Variants in PPM1E observed in about 807,000 individuals in gnomAD.
The protein encoded by PPM1E is protein phosphatase 1E.
A neutral mutation model predicts 65.9 loss-of-function variants in PPM1E; 20 were observed. The ratio of observed to expected loss-of-function variants is 0.30; its 90% CI spans 0.21 to 0.44. The LOEUF is 0.44. Among genes scored for constraint, PPM1E ranks in the 20% least tolerant of loss-of-function variants. The pLI is 1.00. For missense variants in PPM1E, 713 were observed against 953.1 expected (o/e 0.75, Z 3.32); for synonymous variants, 352 against 374.9 (o/e 0.94, Z 0.70).
At chr17:58,809,709 T>C (rs151175833) in intron 1 of PPM1E, among the ~76,000 whole-genome samples, 3 of 152,246 alleles carry the variant, frequency 2.0e-5, no homozygotes, top group East Asian at 1.9e-4. Flanking sequence ...TTGCCACTTA[T>C]CTGTTGAAGA....
At chr17:58,941,491 G>A (rs907067826) in intron 1 of PPM1E, among the ~76,000 whole-genome samples, 4 of 150,682 alleles carry the variant, frequency 2.7e-5, no homozygotes, top group Admixed American at 6.6e-5. Context: ...TCAAGAGATC[G>A]AGACCATCCT....
chr17:58,955,602 T>A, intron 1 of PPM1E, 47 bp from the exon 2 acceptor site: 1 of 1,595,156 alleles, frequency 6.3e-7, no homozygotes, highest in Non-Finnish European at 8.6e-7. Flanking sequence ...AATGTATTAC[T>A]TTCTAATTCT....
rs1435935013 is a variant in PPM1E, at chr17:58,824,746, G to T, written c.464+68285G>T. On this transcript the variant is annotated intron_variant, in intron 1 of 6. Coordinates refer to ENST00000308249, the MANE Select transcript of PPM1E (RefSeq NM_014906.5). ...TGGGACTACAGGTGCCCGTCACCAC[G>T]CCTGGCTAATTTTTTGTATTTTTTG... Among the ~76,000 whole-genome samples the T allele has an allele frequency of 2.0e-5, 3 of 150,238 alleles. No individual in the cohort carries two copies. The East Asian group carries it at 5.8e-4, about 29-fold the overall frequency.
intron 1 of PPM1E, among the ~76,000 whole-genome samples, chr17:58,896,906 G>A (rs534452425): frequency 3.0e-4 from 45 of 152,132 alleles, no homozygotes; most frequent in Admixed American, 5.2e-4. Flanking sequence ...CTTGTCAGGG[G>A]CTAATGCAGC....
intron 1 of PPM1E, among the ~76,000 whole-genome samples, chr17:58,804,066 C>T (rs1196666886): frequency 6.6e-6 from 1 of 151,998 alleles, no homozygotes; most frequent in East Asian, 1.9e-4. Context: ...GTAGCTGAGA[C>T]TACAGGCCTG....
intron 1 of PPM1E, among the ~76,000 whole-genome samples, chr17:58,880,900 G>C (rs1277593585): frequency 4.6e-5 from 7 of 151,996 alleles, no homozygotes; most frequent in Non-Finnish European, 1.0e-4. Context: ...TTCACAACTT[G>C]TGATACCTAA....
rs1363277013 is a variant in PPM1E, at chr17:58,780,018, T to G, written c.464+23557T>G. Among the ~76,000 whole-genome samples the G allele has an allele frequency of 2.6e-5, 4 of 152,234 alleles. No individual in the cohort carries two copies. The East Asian group carries it at 7.7e-4, about 29-fold the overall frequency. On this transcript the variant is annotated intron_variant, in intron 1 of 6. Coordinates refer to ENST00000308249, the MANE Select transcript of PPM1E (RefSeq NM_014906.5). Reference sequence around the variant, plus strand: ...ATGAAGATTGTGATGCTTCCAATTTTTTGTGTTACAAAGAATGCTGCAGTG... The same window carrying G: ...ATGAAGATTGTGATGCTTCCAATTTGTTGTGTTACAAAGAATGCTGCAGTG...
chr17:58,864,676 G>A (rs1466049300), intron 1 of PPM1E, among the ~76,000 whole-genome samples: 2 of 151,432 alleles, frequency 1.3e-5, no homozygotes, highest in Non-Finnish European at 2.9e-5. Context: ...AGTGGCTCAC[G>A]CCTGTAATCC....
At chr17:58,896,119 A>G (rs1229943078) in intron 1 of PPM1E, among the ~76,000 whole-genome samples, 1 of 124,810 alleles carries the variant, frequency 8.0e-6, no homozygotes, top group African/African-American at 3.1e-5. Flanking sequence ...TGTCTCAAAA[A>G]AAAAAGAAAA....
At chr17:58,916,522 A>G (rs1740791875) in intron 1 of PPM1E, among the ~76,000 whole-genome samples, 1 of 152,184 alleles carries the variant, frequency 6.6e-6, no homozygotes, top group Non-Finnish European at 1.5e-5. Flanking sequence ...GCTACTCAGG[A>G]GGCTGAGGCT....
At chr17:58,773,659 A>G (rs2049962923) in intron 1 of PPM1E, among the ~76,000 whole-genome samples, 1 of 152,178 alleles carries the variant, frequency 6.6e-6, no homozygotes. Flanking sequence ...CCTTGTACAT[A>G]TGAGGCACTG....
At chr17:58,840,769 C>T (rs1474793401) in intron 1 of PPM1E, among the ~76,000 whole-genome samples, 1 of 152,134 alleles carries the variant, frequency 6.6e-6, no homozygotes, top group Non-Finnish European at 1.5e-5. Context: ...TAAAGTATAA[C>T]ATAAATATTC....
intron 1 of PPM1E, among the ~76,000 whole-genome samples, chr17:58,883,280 G>A (rs1886717649): frequency 6.6e-6 from 1 of 151,556 alleles, no homozygotes; most frequent in African/African-American, 2.4e-5. Context: ...TTTAATTTAT[G>A]TAAGTTTTTC....
At chr17:58,915,112 G>A (rs542534032) in intron 1 of PPM1E, among the ~76,000 whole-genome samples, 4 of 152,092 alleles carry the variant, frequency 2.6e-5, no homozygotes, top group Non-Finnish European at 5.9e-5. Context: ...AAGAATTCAG[G>A]GCAAGTCCAC....
intron 1 of PPM1E, among the ~76,000 whole-genome samples, chr17:58,770,592 C>T (rs2049927915): frequency 6.6e-6 from 1 of 152,056 alleles, no homozygotes; most frequent in South Asian, 2.1e-4. Flanking sequence ...AGCGTTCTCT[C>T]AGATTGAGAC....
At chr17:58,849,195 A>C (rs1184281401) in intron 1 of PPM1E, among the ~76,000 whole-genome samples, 1 of 151,956 alleles carries the variant, frequency 6.6e-6, no homozygotes, top group Non-Finnish European at 1.5e-5. Context: ...CAGTCTATCA[A>C]TTTTGTTGAT....
At chr17:58,903,813 A>G (rs1314799471) in intron 1 of PPM1E, among the ~76,000 whole-genome samples, 1 of 152,210 alleles carries the variant, frequency 6.6e-6, no homozygotes, top group African/African-American at 2.4e-5. Context: ...CTTGTTGTAA[A>G]AAACAGAGTA....
In PPM1E at chr17:58,880,607, A is replaced by AGTTTGTTT. The variant is rs71367640; in HGVS notation, c.465-75021_465-75014dup. On this transcript the variant is annotated intron_variant, in intron 1 of 6. Transcript: ENST00000308249. ...TTTTCTTCTGATTCTGTTGTGAAAG[A>AGTTTGTTT]GTTTGTTTGTTTGTTTGTTTGTTTG... Among the ~76,000 whole-genome samples the AGTTTGTTT allele has an allele frequency of 4.6e-3, 689 of 150,878 alleles. 2 individuals are homozygous for AGTTTGTTT. The highest frequency in any genetic ancestry group is 0.012 in the African/African-American group (477 of 41,010).
rs183540771 is a variant in PPM1E at position 58,943,894 on chromosome 17, A to G, written c.465-11755A>G. 1.4e-4 allele frequency among the ~76,000 whole-genome samples: 22 copies of G among 152,360 alleles called. No individual in the cohort carries two copies. The East Asian group carries it at 4.2e-3, about 29-fold the overall frequency. On this transcript the variant is annotated intron_variant, in intron 1 of 6. Coordinates refer to ENST00000308249, the MANE Select transcript of PPM1E (RefSeq NM_014906.5). ...TTATATATACCCTGAGCACTAGAAC[A>G]GTGCCTGGTACATAGTAGGCCTCAA...
Sources: gnomAD v4.1 joint callset for allele counts (sites outside exome capture counted in the v4.1 genomes callset) on GRCh38, gnomAD v4.1.1 for gene constraint, MANE v1.5 for transcripts, NCBI Gene and HGNC (gene_info 2026-07-23, HGNC 2026-07-21) for gene names.